ADGRG3: variants seen among roughly 807,000 people sequenced by gnomAD.
ADGRG3 encodes adhesion G protein-coupled receptor G3.
In ADGRG3, 39 loss-of-function variants were observed where a neutral mutation model predicts 54.3. The observed-to-expected ratio is 0.72, with a 90% CI of 0.56 to 0.94. The LOEUF is 0.94. Ranked by LOEUF, ADGRG3 falls within the 40% of genes least tolerant of loss-of-function variation. The pLI is 0.00. For synonymous variants in ADGRG3, 312 were observed against 290.0 expected, an observed-to-expected ratio of 1.08 and a Z score of -0.77; for missense variants, 654 against 694.6, an observed-to-expected ratio of 0.94 and a Z score of 0.66.
chr16:57,675,345 C>T (rs2048243376), intron 2 of ADGRG3, among the ~76,000 whole-genome samples: 1 of 152,004 alleles, frequency 6.6e-6, no homozygotes, highest in Admixed American at 6.6e-5. Flanking sequence ...GAAATAGGGC[C>T]AGGTGCAGTG....
At chr16:57,668,265 T>G, upstream of ADGRG3, 1 of 1,137,580 alleles carries the variant, frequency 8.8e-7, no homozygotes, top group South Asian at 1.3e-5. Context: ...GGCTGCAGGG[T>G]GGGGGCAGGC....
intron 11 of ADGRG3, among the ~76,000 whole-genome samples, chr16:57,686,446 C>A (rs1411171438): frequency 1.3e-5 from 2 of 151,180 alleles, no homozygotes; most frequent in Non-Finnish European, 2.9e-5. Flanking sequence ...TCCCCTCAGG[C>A]CCCACCTCCA....
chr16:57,684,275 T>C, intron 9 of ADGRG3, 63 bp downstream of exon 9: 1 of 1,582,726 alleles, frequency 6.3e-7, no homozygotes, highest in Non-Finnish European at 8.6e-7. Flanking sequence ...GGAAATAGCC[T>C]TGGGGAGAGA....
intron 2 of ADGRG3, 26 bp downstream of exon 2, chr16:57,673,494 G>T (rs1450704681): frequency 5.0e-6 from 8 of 1,584,696 alleles, no homozygotes; most frequent in Non-Finnish European, 4.3e-6. Context: ...GAGCTGGAGG[G>T]GGAATCTGAA....
chr16:57,678,045 A>C, intron 3 of ADGRG3, 125 bp from the exon 4 acceptor site: 1 of 1,170,674 alleles, frequency 8.5e-7, no homozygotes, highest in Non-Finnish European at 1.2e-6. Context: ...CCTGCCTCTC[A>C]GAGCTGACAG....
At chr16:57,680,670 A>C (rs2048351897) in intron 8 of ADGRG3, 53 bp downstream of exon 8, 1 of 1,274,556 alleles carries the variant, frequency 7.8e-7, no homozygotes, top group Non-Finnish European at 1.1e-6. Flanking sequence ...CAAGGGAGGC[A>C]GCAGGGCAGG....
intron 2 of ADGRG3, among the ~76,000 whole-genome samples, chr16:57,673,891 A>G (rs1176107110): frequency 6.6e-6 from 1 of 152,200 alleles, no homozygotes; most frequent in African/African-American, 2.4e-5. Context: ...GATACAGGCA[A>G]CAGAACTTGA....
Position 57,688,514 on chromosome 16 carries a change from G to C in ADGRG3, c.*53G>C. ...AGCTCTGGCTCTCTGTGTGACCTTG[G>C]GCAGCTCCGTGCCTCTCTCTGTACT... On this transcript the variant is annotated 3_prime_UTR_variant, in exon 12 of 12. Coordinates refer to ENST00000333493, the MANE Select transcript of ADGRG3 (RefSeq NM_170776.5). 9.6e-7 allele frequency: 1 copy of C among 1,044,196 alleles called. No homozygotes were observed. Among genetic ancestry groups the C allele is most frequent in the Non-Finnish European group, 1.5e-6 (1 of 660,122 alleles). 64.7% of individuals were successfully genotyped at this position (1,044,196 alleles called of 1,614,324 possible).
intron 8 of ADGRG3, among the ~76,000 whole-genome samples, chr16:57,680,943 GAGGTCCCC>G (rs2048356646): frequency 6.6e-6 from 1 of 152,196 alleles, no homozygotes; most frequent in Admixed American, 6.5e-5. Context: ...GGGGTCAAAA[GAGGTCCCC>G]AGAACTTGGT....
In ADGRG3 at chr16:57,688,480, T is replaced by C; in HGVS notation, c.*19T>C. On this transcript the variant is annotated 3_prime_UTR_variant, in exon 12 of 12. Coordinates refer to ENST00000333493, the MANE Select transcript of ADGRG3 (RefSeq NM_170776.5). ...AGAATAGGAAGGCACGGCCCTGCAA[T>C]ATGGACTCAGCTCTGGCTCTCTGTG... The C allele has an allele frequency of 7.2e-7, 1 of 1,389,244 alleles. No homozygotes were observed. Among genetic ancestry groups the C allele is most frequent in the Non-Finnish European group, 1.0e-6 (1 of 974,888 alleles). The allele number at this position is 1,389,244 out of a possible 1,614,324, so 86.1% of individuals were successfully genotyped here.
At position 57,668,306 on chromosome 16, in the gene ADGRG3, A is replaced by C; in HGVS notation, c.-42A>C. ...CAGCAGAGCCTGGGGCCAGAGGGCC[A>C]GACAGCCACAGAGCTCCTGGCGTGG... On this transcript the variant is annotated 5_prime_UTR_variant, in exon 1 of 12. Coordinates refer to ENST00000333493, the MANE Select transcript of ADGRG3 (RefSeq NM_170776.5). 6.5e-7 allele frequency: 1 copy of C among 1,529,750 alleles called. No individual in the cohort carries two copies. The highest frequency in any genetic ancestry group is 8.8e-7 in the Non-Finnish European group (1 of 1,134,626). The allele number at this position is 1,529,750 out of a possible 1,614,324, so 94.8% of individuals were successfully genotyped here. A position where few individuals can be genotyped will look rare whatever the true frequency, so the allele number is the denominator to read the frequency against.
chr16:57,679,043 C>T (rs1285360177), intron 4 of ADGRG3, 134 bp from the exon 5 acceptor site: 3 of 1,027,682 alleles, frequency 2.9e-6, no homozygotes, highest in Non-Finnish European at 2.8e-6. Flanking sequence ...CTCCTTGGCT[C>T]CCTGGTCCCC....
chr16:57,678,105 G>A, intron 3 of ADGRG3, 65 bp from the exon 4 acceptor site: 2 of 1,586,286 alleles, frequency 1.3e-6, no homozygotes, highest in Non-Finnish European at 1.7e-6. Flanking sequence ...CTCCCAGCTG[G>A]GGGAGTGGCA....
At chr16:57,679,420 C>T (rs751931953) in intron 5 of ADGRG3, 109 bp downstream of exon 5, 28 of 1,225,506 alleles carry the variant, frequency 2.3e-5, no homozygotes, top group Non-Finnish European at 3.2e-5. Context: ...CCCTACCCTT[C>T]CACAGTCGCC....
chr16:57,688,122 C>T (rs1170540744), intron 11 of ADGRG3, among the ~76,000 whole-genome samples: 3 of 152,140 alleles, frequency 2.0e-5, no homozygotes, highest in Admixed American at 2.0e-4. Flanking sequence ...CTGTAATAGG[C>T]ATAGGTAGAT....
In ADGRG3 at chr16:57,679,751, C is replaced by T. The variant is rs539210844; in HGVS notation, c.628-65C>T. On this transcript the variant is annotated intron_variant, in intron 5 of 11. Transcript: ENST00000333493. ...GACTCGGGGGAGCACACCGTCCTCC[C>T]GCTTCCCCTGCCCTCCCCCAAACTT... is the stretch of plus-strand genomic sequence containing the variant. 319 of 1,315,686 alleles carry T rather than the reference C, an allele frequency of 2.4e-4. 2 individuals carry two copies. The South Asian group carries it at 3.5e-3, about 14-fold the overall frequency. The allele number at this position is 1,315,686 out of a possible 1,614,324, so 81.5% of individuals were successfully genotyped here. A position where few individuals can be genotyped will look rare whatever the true frequency, so the allele number is the denominator to read the frequency against.
intron 10 of ADGRG3, among the ~76,000 whole-genome samples, chr16:57,685,063 G>A (rs2048448556): frequency 6.6e-6 from 1 of 152,220 alleles, no homozygotes; most frequent in African/African-American, 2.4e-5. Context: ...GCAGTGCAGA[G>A]GGCAGTGGAG....
Position 57,685,821 on chromosome 16 carries a change from C to G in ADGRG3, c.1435C>G (p.Leu479Val). 6.2e-7 allele frequency: 1 copy of G among 1,614,212 alleles called. No individual in the cohort carries two copies. The highest frequency in any genetic ancestry group is 8.5e-7 in the Non-Finnish European group (1 of 1,180,044). ...GAAGAACCGGAAGAAGGTGCTCACC[C>G]TGCTGGGCCTCTCGAGCCTGGTGGG... ...RGKNRKKVLT[L>V]LGLSSLVGVT... The change falls in exon 11 of 12, where the codon CTG becomes GTG. Residue 479 changes from leucine (L) to valine (V), a missense_variant. Coordinates refer to ENST00000333493, the MANE Select transcript of ADGRG3 (RefSeq NM_170776.5).
chr16:57,666,358 C>A (rs1447494830), upstream of ADGRG3, among the ~76,000 whole-genome samples: 3 of 152,246 alleles, frequency 2.0e-5, no homozygotes, highest in Admixed American at 2.0e-4. Context: ...GTAGGCCCTG[C>A]ACAGGGCACC....
Sources: allele counts gnomAD v4.1 joint callset (sites outside exome capture counted in the v4.1 genomes callset), GRCh38; gene constraint gnomAD v4.1.1; transcripts MANE v1.5; gene names NCBI Gene and HGNC (gene_info 2026-07-23, HGNC 2026-07-21).